The following GNAL variants were observed in gnomAD, a reference collection of about 807,000 sequenced individuals.
GNAL encodes the protein G protein subunit alpha L.
GNAL carries 18 observed loss-of-function variants against 55.1 expected under a neutral mutation model. That is an observed-to-expected ratio of 0.33 (90% confidence interval 0.23 to 0.48). GNAL has a LOEUF of 0.48. GNAL is among the 20% of genes least tolerant of loss of function. GNAL has a pLI of 0.99. For missense variants in GNAL, 412 were observed against 614.1 expected, an observed-to-expected ratio of 0.67 and a Z score of 3.48; for synonymous variants, 253 against 237.0, an observed-to-expected ratio of 1.07 and a Z score of -0.62.
chr18:11,777,730 AGTT>A (rs2033822524), intron 4 of GNAL, among the ~76,000 whole-genome samples: 1 of 152,192 alleles, frequency 6.6e-6, no homozygotes, highest in South Asian at 2.1e-4. Context: ...ATATGTTAAA[AGTT>A]GTTTGGAATT....
At chr18:11,862,694 G>A (rs2036174775) in intron 6 of GNAL, among the ~76,000 whole-genome samples, 1 of 152,058 alleles carries the variant, frequency 6.6e-6, no homozygotes, top group Non-Finnish European at 1.5e-5. Flanking sequence ...CTGCAGATAA[G>A]GAATATGCCG....
chr18:11,814,565 A>T (rs2034903921), intron 4 of GNAL, among the ~76,000 whole-genome samples: 1 of 151,908 alleles, frequency 6.6e-6, no homozygotes, highest in South Asian at 2.1e-4. Flanking sequence ...GAAAAACAAA[A>T]CACCATATGG....
chr18:11,820,599 T>C (rs768727122), intron 4 of GNAL, among the ~76,000 whole-genome samples: 2 of 152,232 alleles, frequency 1.3e-5, no homozygotes, highest in Non-Finnish European at 2.9e-5. Flanking sequence ...CATGTGTTGA[T>C]AAATGTGGAA....
At position 11,751,929 on chromosome 18, in the gene GNAL, C is replaced by T. The variant is rs886379811; in HGVS notation, c.377-924C>T. The stretch of plus-strand genomic sequence containing the variant: ...GGCCCGGCAGGTGCCCATCGTCGCC[C>T]TCTGGGACCCCGGTGGCGCGCTCTG... On this transcript the variant is annotated intron_variant, in intron 1 of 11. Transcript: ENST00000334049. The surrounding 1 kb of genome is among the most constrained non-coding windows in gnomAD (Gnocchi z 4.5). Among the ~76,000 whole-genome samples the T allele has an allele frequency of 1.3e-5, 2 of 152,204 alleles. No homozygotes were observed. The highest frequency in any genetic ancestry group is 1.5e-5 in the Non-Finnish European group (1 of 68,022).
intron 5 of GNAL, among the ~76,000 whole-genome samples, chr18:11,858,457 A>G (rs1328126087): frequency 1.3e-5 from 2 of 152,236 alleles, no homozygotes; most frequent in African/African-American, 2.4e-5. Context: ...AGGCAATGTT[A>G]TAACCCTTTA....
intron 1 of GNAL, among the ~76,000 whole-genome samples, chr18:11,711,345 G>C (rs919016521): frequency 5.3e-5 from 8 of 151,602 alleles, no homozygotes; most frequent in African/African-American, 1.9e-4. Flanking sequence ...TGTATACATT[G>C]ATTAGCTTAA....
At chr18:11,758,416 G>A (rs759221621) in intron 4 of GNAL, among the ~76,000 whole-genome samples, 4 of 152,244 alleles carry the variant, frequency 2.6e-5, no homozygotes, top group Admixed American at 6.5e-5. Context: ...TCGAGCTCAC[G>A]TGATACAGTT....
chr18:11,701,427 C>T (rs1378879963), intron 1 of GNAL, among the ~76,000 whole-genome samples: 3 of 151,908 alleles, frequency 2.0e-5, no homozygotes, highest in African/African-American at 7.3e-5. Context: ...CCCATCTCTA[C>T]TAAAAATACA....
chr18:11,876,389 G>A (rs967074237), intron 10 of GNAL, among the ~76,000 whole-genome samples: 1 of 152,118 alleles, frequency 6.6e-6, no homozygotes, highest in Non-Finnish European at 1.5e-5. Flanking sequence ...CTTGAACCGG[G>A]GAGGTGGAGG....
intron 4 of GNAL, among the ~76,000 whole-genome samples, chr18:11,795,628 G>A (rs1172323486): frequency 6.6e-6 from 1 of 152,154 alleles, no homozygotes; most frequent in East Asian, 1.9e-4. Flanking sequence ...AAGTTCAGCT[G>A]AGACCTGTTT....
rs1189802032 is a variant in GNAL, at chr18:11,752,367, G to A, written c.377-486G>A. The A allele has an allele frequency of 2.8e-5, 43 of 1,539,346 alleles. No homozygotes were observed. Among genetic ancestry groups the A allele is most frequent in the Non-Finnish European group, 9.6e-6 (11 of 1,147,330 alleles). ...AGGAGCCGTCGCAGGAGCCGCACAC[G>A]TCTCCAACTCTCTATTGCTTTTTGC... On this transcript the variant is annotated intron_variant, in intron 1 of 11. Coordinates refer to ENST00000334049, the MANE Select transcript of GNAL (RefSeq NM_182978.4). The surrounding 1 kb of genome is among the most constrained non-coding windows in gnomAD (Gnocchi z 4.5).
At chr18:11,826,654 G>A (rs2143661128) in intron 5 of GNAL, among the ~76,000 whole-genome samples, 1 of 152,250 alleles carries the variant, frequency 6.6e-6, no homozygotes, top group East Asian at 1.9e-4. Flanking sequence ...AGAACTAGCT[G>A]GTGGACTTAA....
chr18:11,730,828 G>T (rs902410938), intron 1 of GNAL, among the ~76,000 whole-genome samples: 1 of 152,120 alleles, frequency 6.6e-6, no homozygotes, highest in African/African-American at 2.4e-5. Flanking sequence ...TTAAGTTAAG[G>T]GGGTCGGCTA....
chr18:11,871,078 T>C (rs2036385529), intron 9 of GNAL, among the ~76,000 whole-genome samples: 1 of 152,190 alleles, frequency 6.6e-6, no homozygotes, highest in Admixed American at 6.5e-5. Context: ...AACTTGGGCA[T>C]GAAAACATAA....
At chr18:11,753,412 A>G in intron 2 of GNAL, 1 of 510,466 alleles carries the variant, frequency 2.0e-6, no homozygotes, top group Admixed American at 3.7e-5. Context: ...TTTTTAAAAA[A>G]ATGTGTGCAT....
rs1282478802 is a variant in GNAL, at chr18:11,763,043, A to G, written c.624+9098A>G. 3.3e-5 allele frequency among the ~76,000 whole-genome samples: 5 copies of G among 152,268 alleles called. 1 individual carries two copies. The highest frequency in any genetic ancestry group is 2.1e-4 in the South Asian group (1 of 4,838). The stretch of plus-strand genomic sequence containing the variant: ...ATAGATTAACCGTATTAGAGCTTCA[A>G]TAAAGATACTTTTCTTAAATTCCAT... On this transcript the variant is annotated intron_variant, in intron 4 of 11. Coordinates refer to ENST00000334049, the MANE Select transcript of GNAL (RefSeq NM_182978.4).
chr18:11,822,828 T>C (rs1481661137), intron 4 of GNAL, among the ~76,000 whole-genome samples: 148 of 150,734 alleles, frequency 9.8e-4, no homozygotes, highest in Non-Finnish European at 1.3e-3. Flanking sequence ...TTCTTTTTTT[T>C]TTTTTTTTTT....
At chr18:11,875,380 G>A (rs1209822656) in intron 10 of GNAL, among the ~76,000 whole-genome samples, 1 of 152,210 alleles carries the variant, frequency 6.6e-6, no homozygotes, top group Non-Finnish European at 1.5e-5. Flanking sequence ...GCTGGTGATA[G>A]GATTTAGATC....
Position 11,689,914 on chromosome 18 carries a change from GC to G in GNAL, c.352del (p.Gln118ArgfsTer22). 1 of 1,444,328 alleles carries G rather than the reference GC, an allele frequency of 6.9e-7. No homozygotes were observed. The highest frequency in any genetic ancestry group is 9.1e-7 in the Non-Finnish European group (1 of 1,096,516). 89.5% of individuals were successfully genotyped at this position (1,444,328 alleles called of 1,614,324 possible). On this transcript the variant is annotated frameshift_variant, in exon 1 of 12. Transcript: ENST00000334049. LOFTEE classifies it high-confidence loss of function. ...MLRDQKRDLQ[Q>X]THRLLLLGAG... The stretch of plus-strand genomic sequence containing the variant: ...TGCGCGACCAGAAGCGCGACCTGCA[GC>G]AGACGCACCGGCTCCTGCTGCTCGG...
Sources: gnomAD v4.1 joint callset for allele counts (sites outside exome capture counted in the v4.1 genomes callset) on GRCh38, gnomAD v4.1.1 for gene constraint, Gnocchi (gnomAD v3.1) non-coding constraint, MANE v1.5 for transcripts, NCBI Gene and HGNC (gene_info 2026-07-23, HGNC 2026-07-21) for gene names.